HELQ: variants seen among roughly 807,000 people sequenced by gnomAD.
The protein encoded by HELQ is helicase POLQ-like.
In HELQ, 77 loss-of-function variants were observed where a neutral mutation model predicts 111.6. The observed-to-expected ratio is 0.69, with a 90% confidence interval of 0.57 to 0.83. The LOEUF is 0.83. Ranked by LOEUF, HELQ falls within the 40% of genes least tolerant of loss-of-function variation. The pLI is 0.00. For synonymous variants in HELQ, 438 were observed against 454.7 expected, an observed-to-expected ratio of 0.96 and a Z score of 0.47; for missense variants, 1,200 against 1,288.5, an observed-to-expected ratio of 0.93 and a Z score of 1.05.
intron 9 of HELQ, among the ~76,000 whole-genome samples, chr4:83,435,606 G>A (rs2109993269): frequency 6.6e-6 from 1 of 152,028 alleles, no homozygotes; most frequent in Non-Finnish European, 1.5e-5. Flanking sequence ...AGAAAGATGT[G>A]GGATATAAGA....
intron 17 of HELQ, 129 bp from the exon 18 acceptor site, chr4:83,407,689 A>T: frequency 1.6e-6 from 1 of 621,612 alleles, no homozygotes. Context: ...CTATAATGAG[A>T]TTGAAAAATG....
At chr4:83,432,290 T>C in intron 9 of HELQ, 23 bp from the exon 10 acceptor site, 1 of 1,523,130 alleles carries the variant, frequency 6.6e-7, no homozygotes, top group Non-Finnish European at 8.8e-7. Context: ...TGAAAAATGA[T>C]ACTCTACAGC....
At chr4:83,412,324 T>C (rs943776435) in intron 17 of HELQ, among the ~76,000 whole-genome samples, 1 of 152,238 alleles carries the variant, frequency 6.6e-6, no homozygotes, top group Non-Finnish European at 1.5e-5. Context: ...GGACTTGATT[T>C]AGAATACTGG....
chr4:83,425,645 A>G (rs1285312006), intron 14 of HELQ, among the ~76,000 whole-genome samples: 1 of 152,196 alleles, frequency 6.6e-6, no homozygotes, highest in African/African-American at 2.4e-5. Context: ...GACCTGTCCT[A>G]TCTTAGAATC....
At chr4:83,428,151 G>A (rs969812124) in intron 12 of HELQ, among the ~76,000 whole-genome samples, 6 of 152,126 alleles carry the variant, frequency 3.9e-5, no homozygotes, top group Non-Finnish European at 8.8e-5. Context: ...GATATCTTAT[G>A]AGAAATGTAA....
At position 83,448,946 on chromosome 4, in the gene HELQ, CA is replaced by C; in HGVS notation, c.1027del (p.Cys343ValfsTer2). 1 of 1,593,366 alleles carries C rather than the reference CA, an allele frequency of 6.3e-7. No individual in the cohort carries two copies. Among genetic ancestry groups the C allele is most frequent in the Non-Finnish European group, 8.6e-7 (1 of 1,168,376 alleles). ...TTCTTGCACAGAATTCAATGTTAAA[CA>C]AGTATGTTGCCATTCTGTGGAATTA... is the stretch of plus-strand genomic sequence containing the variant. ...IEKLYEWQHTCLTLNSVQERK... is the reference protein window; with the variant it reads ...IEKLYEWQHTXLTLNSVQERK... On this transcript the variant is annotated frameshift_variant, in exon 3 of 18. Coordinates refer to ENST00000295488, the MANE Select transcript of HELQ (RefSeq NM_133636.5). LOFTEE classifies it high-confidence loss of function.
chr4:83,420,641 T>C (rs1352353454), intron 15 of HELQ, among the ~76,000 whole-genome samples: 3 of 152,030 alleles, frequency 2.0e-5, no homozygotes, highest in Non-Finnish European at 2.9e-5. Context: ...ATAAGTTAAC[T>C]GGGAGTGGTG....
chr4:83,440,643 T>C (rs1720710726), intron 7 of HELQ, among the ~76,000 whole-genome samples: 1 of 152,218 alleles, frequency 6.6e-6, no homozygotes, highest in Non-Finnish European at 1.5e-5. Flanking sequence ...ATACAAGTCA[T>C]AAAACACTAA....
At chr4:83,446,463 C>T (rs1006092759) in intron 4 of HELQ, among the ~76,000 whole-genome samples, 7 of 152,106 alleles carry the variant, frequency 4.6e-5, no homozygotes, top group Admixed American at 6.5e-5. Flanking sequence ...CCCACCACCA[C>T]GCCCGGCTAA....
intron 15 of HELQ, among the ~76,000 whole-genome samples, chr4:83,420,716 C>T (rs894597658): frequency 1.3e-5 from 2 of 151,884 alleles, no homozygotes; most frequent in East Asian, 3.9e-4. Context: ...ACTCGGGAGG[C>T]GGGGGTTGCA....
chr4:83,440,232 T>C (rs1720692489), intron 7 of HELQ, among the ~76,000 whole-genome samples: 1 of 151,182 alleles, frequency 6.6e-6, no homozygotes, highest in African/African-American at 2.4e-5. Context: ...CTAGTTAGTC[T>C]AAAAAAAAAC....
Position 83,455,575 on chromosome 4 carries a change from C to T in HELQ, c.119G>A (p.Gly40Glu), listed in dbSNP as rs761526167. ...AGCCACCATTTCCTCCTCCTCTTTC[C>T]CCTCATCTCCGGGCACGAGCTCGGC... ...TAAELVPGDEGKEEEEMVAEN... is the reference protein window; with the variant it reads ...TAAELVPGDEEKEEEEMVAEN... The change falls in exon 1 of 18, where the codon GGG (glycine) becomes GAG (glutamate). Residue 40 changes from glycine to glutamate, a missense_variant. This residue lies in a region of HELQ where 610 missense variants were observed against 607.1 expected (regional missense o/e 1.00). Transcript: ENST00000295488. 1.2e-6 allele frequency: 2 copies of T among 1,614,080 alleles called. No individual in the cohort carries two copies. Among genetic ancestry groups the T allele is most frequent in the African/African-American group, 2.7e-5 (2 of 74,922 alleles).
intron 7 of HELQ, among the ~76,000 whole-genome samples, chr4:83,440,483 A>G (rs1406190318): frequency 2.0e-5 from 3 of 152,218 alleles, no homozygotes; most frequent in African/African-American, 4.8e-5. Context: ...TTGTAGTCAC[A>G]TGAGGAACAC....
chr4:83,431,267 A>G (rs72652758), intron 11 of HELQ, among the ~76,000 whole-genome samples: 1,925 of 152,098 alleles, frequency 0.013, 18 homozygotes, highest in Non-Finnish European at 0.019. Context: ...AAAAAAAGCC[A>G]ATTTCATTAA....
At chr4:83,445,179 G>A (rs1489070117) in intron 5 of HELQ, among the ~76,000 whole-genome samples, 1 of 152,188 alleles carries the variant, frequency 6.6e-6, no homozygotes, top group Non-Finnish European at 1.5e-5. Flanking sequence ...AATGAGTTTG[G>A]CTCAGACTAA....
At chr4:83,447,859 C>CAAAA (rs112143320) in intron 3 of HELQ, among the ~76,000 whole-genome samples, 2,079 of 76,362 alleles carry the variant, frequency 0.027, 70 homozygotes, top group African/African-American at 0.083. Context: ...AAGACTGTCT[C>CAAAA]AAAAAAAAAA....
intron 17 of HELQ, among the ~76,000 whole-genome samples, chr4:83,416,320 A>C (rs1193181032): frequency 6.6e-6 from 1 of 151,916 alleles, no homozygotes; most frequent in East Asian, 1.9e-4. Context: ...TCCTGGGCTC[A>C]AGCGATCCTC....
At chr4:83,446,121 A>C (rs373152433) in intron 4 of HELQ, 35 bp from the exon 5 acceptor site, 3 of 1,434,740 alleles carry the variant, frequency 2.1e-6, no homozygotes, top group Non-Finnish European at 2.9e-6. Flanking sequence ...CAGAGAAGTA[A>C]ATCTTCATAT....
intron 16 of HELQ, among the ~76,000 whole-genome samples, chr4:83,417,518 A>G (rs962645975): frequency 2.6e-5 from 4 of 152,034 alleles, no homozygotes; most frequent in African/African-American, 9.7e-5. Flanking sequence ...AATATCTTTC[A>G]GTGTTCTCAC....
Sources: allele counts gnomAD v4.1 joint callset (sites outside exome capture counted in the v4.1 genomes callset), GRCh38; gene constraint gnomAD v4.1.1; regional missense constraint gnomAD v4.1.1; transcripts MANE v1.5; gene names NCBI Gene and HGNC (gene_info 2026-07-23, HGNC 2026-07-21).